ARGFX: variants seen among roughly 807,000 people sequenced by gnomAD.
ARGFX encodes arginine-fifty homeobox.
ARGFX carries 10 observed loss-of-function variants against 8.0 expected under a neutral mutation model. The observed-to-expected ratio is 1.25, with a 90% CI of 0.77 to 2.12. The LOEUF is 2.12. Among genes scored for constraint, ARGFX ranks in the 30% most tolerant of loss-of-function variants. The pLI is 0.00. For synonymous variants in ARGFX, 116 were observed against 117.8 expected (o/e 0.98, Z 0.10); for missense variants, 282 against 324.3 (o/e 0.87, Z 1.00).
At chr3:121,577,059 T>C (rs1260155698) in intron 3 of ARGFX, among the ~76,000 whole-genome samples, 159 bp downstream of exon 3, 1 of 151,592 alleles carries the variant, frequency 6.6e-6, no homozygotes, top group African/African-American at 2.4e-5. Flanking sequence ...TGACCATTTC[T>C]ATCAGTTCCA....
chr3:121,582,197 G>T (rs767671515), intron 3 of ARGFX, among the ~76,000 whole-genome samples: 6 of 152,114 alleles, frequency 3.9e-5, no homozygotes, highest in Non-Finnish European at 8.8e-5. Context: ...GGATGAGTGT[G>T]GGGGGAAAGT....
At chr3:121,585,985 A>G in intron 4 of ARGFX, 37 bp from the exon 5 acceptor site, 1 of 1,536,406 alleles carries the variant, frequency 6.5e-7, no homozygotes, top group Non-Finnish European at 8.7e-7. Flanking sequence ...CTCCTCCAAT[A>G]ACAGACCACA....
chr3:121,581,981 G>A (rs967770716), intron 3 of ARGFX, among the ~76,000 whole-genome samples: 1 of 152,144 alleles, frequency 6.6e-6, no homozygotes, highest in South Asian at 2.1e-4. Flanking sequence ...AGTGGCTACT[G>A]TATTGAACAG....
At chr3:121,577,240 TATATATATATATATA>T (rs1208946135) in intron 3 of ARGFX, among the ~76,000 whole-genome samples, 19 of 65,838 alleles carry the variant, frequency 2.9e-4, no homozygotes, top group Middle Eastern at 5.6e-3. Context: ...TATATATATA[TATATATATATATATA>T]TATATTTTTT....
At chr3:121,579,282 G>T (rs1246899581) in intron 3 of ARGFX, among the ~76,000 whole-genome samples, 1 of 152,176 alleles carries the variant, frequency 6.6e-6, no homozygotes, top group Admixed American at 6.5e-5. Context: ...AATTATTGAA[G>T]TATTTGTAAC....
At chr3:121,575,739 C>A (rs1306012441) in intron 2 of ARGFX, among the ~76,000 whole-genome samples, 3 of 151,986 alleles carry the variant, frequency 2.0e-5, no homozygotes, top group African/African-American at 7.3e-5. Context: ...TATGGTGAAA[C>A]CCCATCTCTA....
chr3:121,572,302 A>T (rs1306401747), intron 2 of ARGFX, among the ~76,000 whole-genome samples: 4 of 132,522 alleles, frequency 3.0e-5, no homozygotes, highest in South Asian at 2.4e-4. Flanking sequence ...AGTGCAATGG[A>T]GCGATCTCGG....
intron 2 of ARGFX, among the ~76,000 whole-genome samples, chr3:121,574,449 C>T (rs969506263): frequency 1.3e-5 from 2 of 152,202 alleles, no homozygotes; most frequent in Admixed American, 6.5e-5. Flanking sequence ...TAACAAGATG[C>T]TCCCATCTGT....
chr3:121,582,066 T>C (rs960432592), intron 3 of ARGFX, among the ~76,000 whole-genome samples: 1 of 152,178 alleles, frequency 6.6e-6, no homozygotes, highest in South Asian at 2.1e-4. Context: ...ACATATTGCT[T>C]TTCCAAATAA....
In ARGFX at chr3:121,586,252, C is replaced by T. The variant is rs554335256; in HGVS notation, c.600C>T (p.Thr200=). 14 of 1,614,148 alleles carry T rather than the reference C, an allele frequency of 8.7e-6. No individual in the cohort carries two copies. The Admixed American group carries it at 2.3e-4, about 27-fold the overall frequency. The part of the protein sequence containing the change: ...AWNSTFTESS[T]SDFQMQDTQW... ...ACTCTACCTTCACTGAGAGTTCTAC[C>T]AGTGACTTCCAAATGCAAGATACTC... The change falls in exon 5 of 5, where the codon ACC becomes ACT. Residue 200 remains threonine, a synonymous_variant. Coordinates refer to ENST00000334384, the MANE Select transcript of ARGFX (RefSeq NM_001012659.2).
chr3:121,569,914 T>C (rs1454733890), intron 1 of ARGFX, among the ~76,000 whole-genome samples: 1 of 152,234 alleles, frequency 6.6e-6, no homozygotes, highest in Non-Finnish European at 1.5e-5. Flanking sequence ...TGAGGGAGGC[T>C]AGCTGAAGTG....
rs2048826170 is a variant in ARGFX, at chr3:121,588,421, T to C, written c.*1821T>C. ...TGAACCTGGGAGGTGGAGGTTGCAG[T>C]GAGCTGAGGTCGCACCACTGCACTC... On this transcript the variant is annotated 3_prime_UTR_variant, in exon 5 of 5. Transcript: ENST00000334384. Among the ~76,000 whole-genome samples, 1 of 147,146 alleles carries C rather than the reference T, an allele frequency of 6.8e-6. No homozygotes were observed. Among genetic ancestry groups the C allele is most frequent in the Non-Finnish European group, 1.5e-5 (1 of 67,112 alleles).
At chr3:121,572,134 C>T (rs976096055) in intron 2 of ARGFX, among the ~76,000 whole-genome samples, 5 of 151,634 alleles carry the variant, frequency 3.3e-5, no homozygotes, top group African/African-American at 1.2e-4. Flanking sequence ...ACCCGGCTGA[C>T]TCCTGACCTT....
At chr3:121,576,104 T>G (rs2048734323) in intron 2 of ARGFX, among the ~76,000 whole-genome samples, 1 of 152,102 alleles carries the variant, frequency 6.6e-6, no homozygotes, top group Non-Finnish European at 1.5e-5. Context: ...TTTGCCAAAT[T>G]TTCTCCTTTT....
intron 2 of ARGFX, among the ~76,000 whole-genome samples, chr3:121,573,981 C>G (rs933220406): frequency 1.3e-5 from 2 of 151,786 alleles, no homozygotes; most frequent in African/African-American, 4.8e-5. Flanking sequence ...CAAAACCATA[C>G]CCGTTAGGAT....
chr3:121,572,788 G>A (rs533534048), intron 2 of ARGFX, among the ~76,000 whole-genome samples: 2 of 152,322 alleles, frequency 1.3e-5, no homozygotes, highest in African/African-American at 4.8e-5. Flanking sequence ...TAATCAAAGA[G>A]TGTGGTGCTG....
In ARGFX at chr3:121,590,527, A is replaced by AT. The variant is rs1386886826; in HGVS notation, c.*3928dup. Among the ~76,000 whole-genome samples, 1 of 150,972 alleles carries AT rather than the reference A, an allele frequency of 6.6e-6. No individual in the cohort carries two copies. The highest frequency in any genetic ancestry group is 1.5e-5 in the Non-Finnish European group (1 of 67,898). ...TCCTTCTGCCATGGGAGGATGAAAC[A>AT]TGAAGGCCCTGGCCAGGTGTGGCCC... On this transcript the variant is annotated 3_prime_UTR_variant, in exon 5 of 5. Transcript: ENST00000334384.
At chr3:121,580,606 A>ATTTTTTTT (rs57666199) in intron 3 of ARGFX, among the ~76,000 whole-genome samples, 6 of 115,212 alleles carry the variant, frequency 5.2e-5, no homozygotes, top group East Asian at 2.9e-4. Context: ...ATATATATAT[A>ATTTTTTTT]TTTTTTTTTT....
chr3:121,577,653 A>G (rs1041320036), intron 3 of ARGFX, among the ~76,000 whole-genome samples: 6 of 152,188 alleles, frequency 3.9e-5, no homozygotes, highest in African/African-American at 1.4e-4. Context: ...TACAAAAGAG[A>G]GGTATGTTGT....
Sources: gnomAD v4.1 joint callset for allele counts (sites outside exome capture counted in the v4.1 genomes callset) on GRCh38, gnomAD v4.1.1 for gene constraint, MANE v1.5 for transcripts, NCBI Gene and HGNC (gene_info 2026-07-23, HGNC 2026-07-21) for gene names.